Variants in HIVEP1 observed in about 807,000 individuals in gnomAD.
HIVEP1 encodes the protein zinc finger protein 40.
A neutral mutation model predicts 180.0 loss-of-function variants in HIVEP1; 36 were observed. That is an observed-to-expected ratio of 0.20 (90% confidence interval 0.15 to 0.26). HIVEP1 has a LOEUF of 0.26. Among genes scored for constraint, HIVEP1 ranks in the 10% least tolerant of loss-of-function variants. The pLI is 1.00. For synonymous variants in HIVEP1, 1,239 were observed against 1,239.0 expected (o/e 1.00, Z 0.00); for missense variants, 3,143 against 3,268.7 (o/e 0.96, Z 0.94).
At chr6:12,026,512 A>T (rs1427885536) in intron 2 of HIVEP1, among the ~76,000 whole-genome samples, 1 of 152,242 alleles carries the variant, frequency 6.6e-6, no homozygotes. Flanking sequence ...TGGATTTCCC[A>T]GTGAACTTGA....
downstream of HIVEP1, among the ~76,000 whole-genome samples, chr6:12,169,366 A>G (rs117745503): frequency 1.1e-4 from 16 of 152,294 alleles, no homozygotes; most frequent in East Asian, 2.9e-3. Context: ...GTTCTCTGGA[A>G]GGCACTGTAG....
chr6:12,110,765 A>G (rs928754326), intron 3 of HIVEP1, among the ~76,000 whole-genome samples: 9 of 152,174 alleles, frequency 5.9e-5, no homozygotes, highest in Admixed American at 5.9e-4. Flanking sequence ...ATTTCCTTCA[A>G]TAACTTTGCC....
rs1303673298 is a variant in HIVEP1, at chr6:12,161,877, C to T, written c.6926C>T (p.Ser2309Leu). Residue 2309 changes from serine (S) to leucine (L), a missense_variant, in exon 8 of 9, where the codon TCA becomes TTA. Around this residue, in one of 12 missense-constraint regions of HIVEP1, gnomAD observed 595 missense variants for 602.2 expected, o/e 0.99. Transcript: ENST00000379388. ...CHQMSVDYPE[S>L]EEILRSSMAG... ...CAGATGTCTGTGGACTACCCTGAGT[C>T]AGAAGAAATTCTGAGAAGTTCTATG... 2 of 1,613,696 alleles carry T rather than the reference C, an allele frequency of 1.2e-6. No homozygotes were observed. Among genetic ancestry groups the T allele is most frequent in the Non-Finnish European group, 8.5e-7 (1 of 1,179,798 alleles).
At chr6:12,176,961 C>T in the HIVEP1 span, among the ~76,000 whole-genome samples, 1 of 152,204 alleles carries the variant, frequency 6.6e-6, no homozygotes, top group Non-Finnish European at 1.5e-5. Flanking sequence ...GGTACATATA[C>T]ACCATGGAAT....
At chr6:12,020,395 G>C in intron 2 of HIVEP1, 1 of 471,176 alleles carries the variant, frequency 2.1e-6, no homozygotes, top group Non-Finnish European at 4.4e-6. Flanking sequence ...GGACTGCACG[G>C]GGTGGCTCTT....
intron 2 of HIVEP1, among the ~76,000 whole-genome samples, chr6:12,020,081 G>C (rs181787388): frequency 6.6e-6 from 1 of 152,308 alleles, no homozygotes; most frequent in Admixed American, 6.5e-5. Flanking sequence ...AGAATTGTTA[G>C]GTTAAGGGCA....
Position 12,123,238 on chromosome 6 carries a change from T to C in HIVEP1, c.3443T>C (p.Phe1148Ser). ...HTNSLSRPNS[F>S]DKPEPFERAS... ...AACTCCCTGAGCAGGCCCAACTCAT[T>C]TGACAAGCCTGAGCCTTTTGAAAGA... Residue 1148 changes from phenylalanine (F) to serine (S), a missense_variant, in exon 4 of 9, where the codon TTT becomes TCT. Transcript: ENST00000379388. 5 of 1,614,134 alleles carry C rather than the reference T, an allele frequency of 3.1e-6. No homozygotes were observed. Among genetic ancestry groups the C allele is most frequent in the Non-Finnish European group, 4.2e-6 (5 of 1,180,022 alleles).
chr6:12,125,279 T>C lies in HIVEP1; in HGVS notation c.5484T>C (p.Val1828=). The change falls in exon 4 of 9, where the codon GTT becomes GTC. Residue 1828 remains valine, a synonymous_variant. Coordinates refer to ENST00000379388, the MANE Select transcript of HIVEP1 (RefSeq NM_002114.4). ...AACCTGAAATTAGTAATGAGGCTGT[T>C]AATTTGACAAATGTTTTACCAGCTG... The part of the protein sequence containing the change: ...FSQPEISNEA[V]NLTNVLPADN... 6.2e-7 allele frequency: 1 copy of C among 1,614,062 alleles called. No homozygotes were observed. Among genetic ancestry groups the C allele is most frequent in the East Asian group, 2.2e-5 (1 of 44,886 alleles).
At position 12,124,441 on chromosome 6, in the gene HIVEP1, C is replaced by A. The variant is rs1231357524; in HGVS notation, c.4646C>A (p.Ser1549Tyr). ...GATAAAAATTCTGTTTTATCTGGGT[C>A]TTCTAAAAGTGAGGATTGCTTTGCT... ...KPDKNSVLSGSSKSEDCFAPK... is the reference protein window; with the variant it reads ...KPDKNSVLSGYSKSEDCFAPK... Residue 1549 changes from serine to tyrosine, a missense_variant, in exon 4 of 9, where the codon TCT (serine) becomes TAT (tyrosine). This residue lies in a region of HIVEP1 where 1,357 missense variants were observed against 1,260.5 expected (regional missense o/e 1.08). Transcript: ENST00000379388. 6.2e-7 allele frequency: 1 copy of A among 1,614,046 alleles called. No individual in the cohort carries two copies. Among genetic ancestry groups the A allele is most frequent in the Admixed American group, 1.7e-5 (1 of 60,024 alleles).
chr6:12,055,168 G>A (rs953535956), intron 2 of HIVEP1, among the ~76,000 whole-genome samples: 1 of 152,196 alleles, frequency 6.6e-6, no homozygotes, highest in Non-Finnish European at 1.5e-5. Context: ...AATCTAAACA[G>A]GAAAGAAAAT....
At chr6:12,099,529 T>TTAACATTTAGTAACTGTTTAAC (rs1448819828) in intron 3 of HIVEP1, among the ~76,000 whole-genome samples, 2 of 152,050 alleles carry the variant, frequency 1.3e-5, no homozygotes, top group Non-Finnish European at 2.9e-5. Context: ...ATCATGTAGT[T>TTAACATTTAGTAACTGTTTAAC]AGCCATTTAG....
At chr6:12,175,139 C>T in the HIVEP1 span, among the ~76,000 whole-genome samples, 1 of 152,152 alleles carries the variant, frequency 6.6e-6, no homozygotes, top group Non-Finnish European at 1.5e-5. Context: ...CATCTACATA[C>T]TGCAACAATA....
intron 2 of HIVEP1, among the ~76,000 whole-genome samples, chr6:12,056,972 G>T (rs945951550): frequency 6.6e-6 from 1 of 151,960 alleles, no homozygotes; most frequent in South Asian, 2.1e-4. Context: ...AAGTAGCTGG[G>T]ACTACAGGTG....
chr6:12,115,992 T>C (rs959353704), intron 3 of HIVEP1, among the ~76,000 whole-genome samples: 1 of 151,936 alleles, frequency 6.6e-6, no homozygotes, highest in African/African-American at 2.4e-5. Context: ...AACAACAAAT[T>C]GCCTTTAAAA....
chr6:12,087,139 T>C (rs61432409), intron 2 of HIVEP1, among the ~76,000 whole-genome samples: 2,127 of 152,286 alleles, frequency 0.014, 24 homozygotes, highest in Middle Eastern at 0.065. Context: ...GTAGTCTAAA[T>C]TTATATACTG....
At chr6:12,151,272 G>T (rs1759685852) in intron 7 of HIVEP1, among the ~76,000 whole-genome samples, 1 of 152,094 alleles carries the variant, frequency 6.6e-6, no homozygotes, top group Non-Finnish European at 1.5e-5. Flanking sequence ...AATGAGAGGG[G>T]AATGTGGCTG....
chr6:12,102,474 C>G (rs115332353), intron 3 of HIVEP1, among the ~76,000 whole-genome samples: 1,604 of 147,742 alleles, frequency 0.011, 29 homozygotes, highest in African/African-American at 0.037. Context: ...CCACATTGTC[C>G]CTAAGAGGAG....
chr6:12,095,673 A>T (rs1045022472), intron 3 of HIVEP1, among the ~76,000 whole-genome samples: 2 of 151,956 alleles, frequency 1.3e-5, no homozygotes, highest in Non-Finnish European at 2.9e-5. Context: ...GTACTCATAG[A>T]TTTTATGTTA....
chr6:12,199,673 C>T, the HIVEP1 span, among the ~76,000 whole-genome samples: 3 of 152,130 alleles, frequency 2.0e-5, no homozygotes, highest in Non-Finnish European at 4.4e-5. Context: ...TAAAAACAAA[C>T]ATTTTCTTCT....
Sources: gnomAD v4.1 joint callset for allele counts (sites outside exome capture counted in the v4.1 genomes callset) on GRCh38, gnomAD v4.1.1 for gene constraint, gnomAD v4.1.1 regional missense constraint, MANE v1.5 for transcripts, NCBI Gene and HGNC (gene_info 2026-07-23, HGNC 2026-07-21) for gene names.